The following EIF2B1 variants were observed in gnomAD, a reference collection of about 807,000 sequenced individuals.
The protein encoded by EIF2B1 is translation initiation factor eIF2B subunit alpha.
In EIF2B1, 30 loss-of-function variants were observed where a neutral mutation model predicts 36.8. That is an observed-to-expected ratio of 0.81 (90% CI 0.61 to 1.10). EIF2B1 has a LOEUF of 1.10. Among genes scored for constraint, EIF2B1 ranks in the 50% least tolerant of loss-of-function variants. The pLI, the probability that EIF2B1 is intolerant of heterozygous loss-of-function variation, is 0.00. For synonymous variants in EIF2B1, 139 were observed against 142.2 expected (o/e 0.98, Z 0.16); for missense variants, 271 against 374.8 (o/e 0.72, Z 2.29).
chr12:123,623,273 C>T (rs1330539916), intron 7 of EIF2B1, among the ~76,000 whole-genome samples: 4 of 152,040 alleles, frequency 2.6e-5, no homozygotes, highest in African/African-American at 9.6e-5. Context: ...GTAATCCCAG[C>T]TACTAGGGAG....
At chr12:123,621,991 G>A (rs776131498) in intron 8 of EIF2B1, 71 bp from the exon 9 acceptor site, 9 of 1,579,456 alleles carry the variant, frequency 5.7e-6, no homozygotes, top group African/African-American at 1.3e-5. Flanking sequence ...CTTGGTGTGA[G>A]TGATCAGTGT....
rs182533252 is a variant in EIF2B1 at position 123,626,074 on chromosome 12, A to C, written c.551+351T>G. ...CTTGAACCTGGGAGGTGGAGATTGC[A>C]GTGAACCAAGATCATGCCATTGCAC... On this transcript the variant is annotated intron_variant, in intron 6 of 8. Transcript: ENST00000424014. 1.7e-3 allele frequency: 488 copies of C among 286,540 alleles called. 10 individuals carry two copies. In the East Asian group the frequency reaches 0.037, roughly 21 times the overall value. The allele number at this position is 286,540 out of a possible 1,614,324, so 17.7% of individuals were successfully genotyped here. A position where few individuals can be genotyped will look rare whatever the true frequency, so the allele number is the denominator to read the frequency against.
intron 1 of EIF2B1, among the ~76,000 whole-genome samples, chr12:123,633,300 C>T (rs969225372): frequency 2.0e-5 from 3 of 150,688 alleles, no homozygotes; most frequent in African/African-American, 7.3e-5. Context: ...TCCAACAAGG[C>T]AGGAAGGAGA....
intron 1 of EIF2B1, 140 bp from the exon 2 acceptor site, chr12:123,632,586 A>G: frequency 1.5e-6 from 1 of 689,200 alleles, no homozygotes; most frequent in South Asian, 1.5e-5. Context: ...TCAGGGATGC[A>G]ATAAATGTTG....
intron 8 of EIF2B1, 74 bp from the exon 9 acceptor site, chr12:123,621,994 A>C: frequency 6.3e-7 from 1 of 1,577,654 alleles, no homozygotes; most frequent in Non-Finnish European, 8.6e-7. Flanking sequence ...GGTGTGAGTG[A>C]TCAGTGTGCT....
rs1566215807 is a variant in EIF2B1 at position 123,627,050 on chromosome 12, A to C, written c.476T>G (p.Leu159Trp). 4 of 1,614,170 alleles carry C rather than the reference A, an allele frequency of 2.5e-6. No homozygotes were observed. The highest frequency in any genetic ancestry group is 3.3e-4 in the Middle Eastern group (2 of 6,062). ...SVYVTESQPDLSGKKMAKALC... is the reference protein window; with the variant it reads ...SVYVTESQPDWSGKKMAKALC... ...TGAACAGAAAGGTACTTGCCCTGAC[A>C]AATCAGGCTGTGACTCTGTGACGTA... The change falls in exon 5 of 9, where the codon TTG (leucine) becomes TGG (tryptophan). Residue 159 changes from leucine (L) to tryptophan (W), a missense_variant. Coordinates refer to ENST00000424014, the MANE Select transcript of EIF2B1 (RefSeq NM_001414.4).
intron 8 of EIF2B1, among the ~76,000 whole-genome samples, chr12:123,622,207 T>C (rs1380545435): frequency 1.3e-5 from 2 of 152,166 alleles, no homozygotes; most frequent in Non-Finnish European, 2.9e-5. Context: ...AGAGTCACAA[T>C]AGAGAGCTTG....
At chr12:123,622,897 C>T in intron 7 of EIF2B1, 136 bp from the exon 8 acceptor site, 2 of 1,317,010 alleles carry the variant, frequency 1.5e-6, no homozygotes, top group Non-Finnish European at 2.1e-6. Flanking sequence ...ATCACCTGAA[C>T]CCATGAGTTT....
At chr12:123,623,598 A>G (rs949482177) in intron 7 of EIF2B1, among the ~76,000 whole-genome samples, 2 of 151,776 alleles carry the variant, frequency 1.3e-5, no homozygotes, top group Admixed American at 6.6e-5. Flanking sequence ...TCAGCCTGCC[A>G]AGTAGCTGGG....
chr12:123,624,298 G>A (rs984450150), intron 7 of EIF2B1, among the ~76,000 whole-genome samples: 5 of 126,826 alleles, frequency 3.9e-5, no homozygotes, highest in Non-Finnish European at 8.0e-5. Flanking sequence ...TCTCACCATC[G>A]CCCAGGCTGG....
At chr12:123,626,314 C>G (rs149944921) in intron 6 of EIF2B1, 111 bp downstream of exon 6, 1 of 1,293,418 alleles carries the variant, frequency 7.7e-7, no homozygotes. Flanking sequence ...AGAAGTAGGA[C>G]GCTACCTGGT....
rs1555284588 is a variant in EIF2B1 at position 123,620,580 on chromosome 12, T to TATATATATA, written c.*1175_*1176insTATATATAT. ...GGTCACATATAGACATATGTACATA[T>TATATATATA]TATATATATATATATATATATATAT... On this transcript the variant is annotated 3_prime_UTR_variant, in exon 9 of 9. Transcript: ENST00000424014. 1 of 65,352 alleles carries TATATATATA rather than the reference T, an allele frequency of 1.5e-5. No individual in the cohort carries two copies. Among genetic ancestry groups the TATATATATA allele is most frequent in the African/African-American group, 6.4e-5 (1 of 15,530 alleles). 4.0% of individuals were successfully genotyped at this position (65,352 alleles called of 1,614,324 possible).
At chr12:123,626,887 G>C (rs1313991137) in intron 5 of EIF2B1, 157 bp downstream of exon 5, 1 of 751,054 alleles carries the variant, frequency 1.3e-6, no homozygotes, top group East Asian at 2.7e-5. Flanking sequence ...CAAATTCAGT[G>C]ATTTTTCTTC....
chr12:123,629,932 T>C, intron 4 of EIF2B1: 1 of 592,788 alleles, frequency 1.7e-6, no homozygotes, highest in Non-Finnish European at 3.0e-6. Flanking sequence ...CCAGGCACAA[T>C]ACCAAGCCCT....
rs1299887161 is a variant in EIF2B1 at position 123,630,952 on chromosome 12, T to C, written c.116-419A>G. Among the ~76,000 whole-genome samples the C allele has an allele frequency of 6.6e-6, 1 of 152,238 alleles. No homozygotes were observed. The highest frequency in any genetic ancestry group is 1.5e-5 in the Non-Finnish European group (1 of 68,040). ...AGGTTGCCTTAAAGACATGTGTCTCTAGGCAAGCCCTTCAGATTAAAGGCT... is the reference window on the plus strand; with the variant it reads ...AGGTTGCCTTAAAGACATGTGTCTCCAGGCAAGCCCTTCAGATTAAAGGCT... On this transcript the variant is annotated intron_variant, in intron 2 of 8. Coordinates refer to ENST00000424014, the MANE Select transcript of EIF2B1 (RefSeq NM_001414.4). The surrounding 1 kb of genome is among the most constrained non-coding windows in gnomAD (Gnocchi z 4.6).
chr12:123,632,542 T>A lies in EIF2B1; in HGVS notation c.14-96A>T, dbSNP rs10773020. The A allele has an allele frequency of 3.7e-5, 32 of 859,620 alleles. No homozygotes were observed. In the South Asian group the frequency reaches 4.3e-4, roughly 12 times the overall value. 53.2% of individuals were successfully genotyped at this position (859,620 alleles called of 1,614,324 possible). ...ACTGTTGACTTTAAGAAGCAAACAA[T>A]TTAAAAAATACTTTCTTTTTAGGGT... On this transcript the variant is annotated intron_variant, in intron 1 of 8. Coordinates refer to ENST00000424014, the MANE Select transcript of EIF2B1 (RefSeq NM_001414.4).
chr12:123,632,225 G>C (rs1182359194), intron 2 of EIF2B1, 120 bp downstream of exon 2: 41 of 729,466 alleles, frequency 5.6e-5, no homozygotes, highest in Non-Finnish European at 9.3e-6. Context: ...CCAAGATCTC[G>C]CCACTGCACT....
chr12:123,621,620 G>GT lies in EIF2B1; in HGVS notation c.*135dup. 9.2e-7 allele frequency: 1 copy of GT among 1,086,972 alleles called. No individual in the cohort carries two copies. Among genetic ancestry groups the GT allele is most frequent in the Non-Finnish European group, 1.4e-6 (1 of 726,976 alleles). 67.3% of individuals were successfully genotyped at this position (1,086,972 alleles called of 1,614,324 possible). A position where few individuals can be genotyped will look rare whatever the true frequency, so the allele number is the denominator to read the frequency against. On this transcript the variant is annotated 3_prime_UTR_variant, in exon 9 of 9. Transcript: ENST00000424014. ...ATGAGTAAGAAAGGTTCTCCAAGAT[G>GT]TATGATTTTAAGTCCTTACTCCATA...
chr12:123,633,499 G>A (rs1308150651), intron 1 of EIF2B1, 46 bp downstream of exon 1: 2 of 1,613,666 alleles, frequency 1.2e-6, no homozygotes, highest in Non-Finnish European at 1.7e-6. Context: ...GGGGACCCCT[G>A]AACGGCGCTG....
Sources: gnomAD v4.1 joint callset for allele counts (sites outside exome capture counted in the v4.1 genomes callset) on GRCh38, gnomAD v4.1.1 for gene constraint, Gnocchi (gnomAD v3.1) non-coding constraint, MANE v1.5 for transcripts, NCBI Gene and HGNC (gene_info 2026-07-23, HGNC 2026-07-21) for gene names.